RTN1: variants seen among roughly 807,000 people sequenced by gnomAD.
RTN1 encodes reticulon 1.
In RTN1, 25 loss-of-function variants were observed where a neutral mutation model predicts 65.5. The observed-to-expected ratio is 0.38, with a 90% CI of 0.28 to 0.53. The LOEUF (loss-of-function observed/expected upper bound fraction) is 0.53. Ranked by LOEUF, RTN1 falls within the 20% of genes least tolerant of loss-of-function variation. RTN1 has a pLI of 0.79. For synonymous variants in RTN1, 471 were observed against 447.6 expected (o/e 1.05, Z -0.66); for missense variants, 983 against 1,025.4 (o/e 0.96, Z 0.57).
chr14:59,772,270 A>G (rs1210642972), intron 1 of RTN1, among the ~76,000 whole-genome samples: 8 of 152,164 alleles, frequency 5.3e-5, no homozygotes, highest in Admixed American at 5.2e-4. Flanking sequence ...AAGATCCTGA[A>G]ATGATTTTAA....
chr14:59,621,380 T>C (rs1469146382), intron 3 of RTN1, among the ~76,000 whole-genome samples: 1 of 152,160 alleles, frequency 6.6e-6, no homozygotes. Flanking sequence ...GCTTTGCCAG[T>C]TGTAAAAATT....
rs74058794 is a variant in RTN1, at chr14:59,766,711, G to A, written c.242-20230C>T. 0.019 allele frequency among the ~76,000 whole-genome samples: 2,934 copies of A among 152,198 alleles called. 103 individuals are homozygous for A. Among genetic ancestry groups the A allele is most frequent in the African/African-American group, 0.066 (2,748 of 41,502 alleles). On this transcript the variant is annotated intron_variant, in intron 1 of 8. Coordinates refer to ENST00000267484, the MANE Select transcript of RTN1 (RefSeq NM_021136.3). The surrounding 1 kb of genome is among the most constrained non-coding windows in gnomAD (Gnocchi z 4.4). ...TCTTTTCTTCTGGACTAGAAGAAACGGAAGGAAAGAGTGTTGAATACCTGC... is the reference window on the plus strand; with the variant it reads ...TCTTTTCTTCTGGACTAGAAGAAACAGAAGGAAAGAGTGTTGAATACCTGC...
At chr14:59,763,539 T>C (rs190705544) in intron 1 of RTN1, among the ~76,000 whole-genome samples, 2 of 150,222 alleles carry the variant, frequency 1.3e-5, no homozygotes, top group Admixed American at 6.6e-5. Flanking sequence ...TTCTTTTTTT[T>C]TTTTTTTTTT....
chr14:59,780,491 A>G (rs1031309221), intron 1 of RTN1, among the ~76,000 whole-genome samples: 1 of 152,230 alleles, frequency 6.6e-6, no homozygotes, highest in Non-Finnish European at 1.5e-5. Context: ...AATGGTGCCA[A>G]CCATTCCGGA....
chr14:59,759,094 C>T (rs1157093727), intron 1 of RTN1, among the ~76,000 whole-genome samples: 1 of 152,070 alleles, frequency 6.6e-6, no homozygotes, highest in Non-Finnish European at 1.5e-5. Flanking sequence ...ATCATATATC[C>T]TGATTCATCT....
At chr14:59,713,189 C>T (rs529619439) in intron 3 of RTN1, among the ~76,000 whole-genome samples, 13 of 151,988 alleles carry the variant, frequency 8.6e-5, no homozygotes, top group African/African-American at 2.4e-4. Flanking sequence ...AATTGGCGCA[C>T]GATTCTTTAA....
At chr14:59,802,925 A>G (rs529908403) in intron 1 of RTN1, among the ~76,000 whole-genome samples, 21 of 152,254 alleles carry the variant, frequency 1.4e-4, no homozygotes, top group Middle Eastern at 3.4e-3. Flanking sequence ...TACCTCCTAG[A>G]AGAGATGACT....
chr14:59,749,110 A>ATG, intron 1 of RTN1, among the ~76,000 whole-genome samples: 1 of 54,516 alleles, frequency 1.8e-5, no homozygotes, highest in Non-Finnish European at 2.9e-5. Context: ...ATCTATATAT[A>ATG]TATATATATA....
intron 1 of RTN1, among the ~76,000 whole-genome samples, chr14:59,830,871 T>C (rs890268486): frequency 6.6e-6 from 1 of 152,314 alleles, no homozygotes; most frequent in Non-Finnish European, 1.5e-5. Context: ...ATCTATATTA[T>C]CATTTTTGTT....
chr14:59,837,530 T>G (rs1018522733), intron 1 of RTN1, among the ~76,000 whole-genome samples: 2 of 151,946 alleles, frequency 1.3e-5, no homozygotes, highest in African/African-American at 4.8e-5. Context: ...TATACATAAA[T>G]GTATATAACA....
intron 1 of RTN1, among the ~76,000 whole-genome samples, chr14:59,864,016 A>G (rs1235079893): frequency 1.3e-5 from 2 of 152,148 alleles, no homozygotes; most frequent in Non-Finnish European, 2.9e-5. Flanking sequence ...CTCTTGCTCC[A>G]CACCAACCAC....
chr14:59,730,446 T>C (rs1030739410), intron 2 of RTN1, among the ~76,000 whole-genome samples: 2 of 152,152 alleles, frequency 1.3e-5, no homozygotes, highest in Admixed American at 6.5e-5. Flanking sequence ...GAAGTAAATC[T>C]TCATGACCTT....
intron 3 of RTN1, among the ~76,000 whole-genome samples, chr14:59,680,621 T>G (rs1883726803): frequency 6.6e-6 from 1 of 152,214 alleles, no homozygotes; most frequent in Non-Finnish European, 1.5e-5. Flanking sequence ...TGTATCATCT[T>G]TCTAAAACAC....
At chr14:59,735,831 T>C (rs953872947) in intron 2 of RTN1, among the ~76,000 whole-genome samples, 1 of 151,690 alleles carries the variant, frequency 6.6e-6, no homozygotes, top group Non-Finnish European at 1.5e-5. Context: ...CATGAAATAA[T>C]AACAAACAGT....
At chr14:59,605,587 G>A (rs190881786) in intron 4 of RTN1, 81 bp from the exon 5 acceptor site, 120 of 1,456,496 alleles carry the variant, frequency 8.2e-5, no homozygotes, top group Middle Eastern at 2.4e-4. Flanking sequence ...ACAGCTAAGC[G>A]TTCCTACTCT....
At chr14:59,717,348 C>A (rs915426148) in intron 3 of RTN1, among the ~76,000 whole-genome samples, 1 of 152,142 alleles carries the variant, frequency 6.6e-6, no homozygotes, top group Non-Finnish European at 1.5e-5. Context: ...GAATATGCAA[C>A]TTTGAACTGG....
At chr14:59,832,316 T>C (rs532551552) in intron 1 of RTN1, among the ~76,000 whole-genome samples, 17 of 152,324 alleles carry the variant, frequency 1.1e-4, no homozygotes, top group African/African-American at 4.1e-4. Context: ...TACATCTTTT[T>C]TTTTTCGTTC....
rs1885435773 is a variant in RTN1, at chr14:59,750,192, TTA to T, written c.242-3713_242-3712del. ...ATATCTATAATATATAATACATATATTATATCTATAATATATAATATATATAT... is the reference window on the plus strand; with the variant it reads ...ATATCTATAATATATAATACATATATTATCTATAATATATAATATATATAT... On this transcript the variant is annotated intron_variant, in intron 1 of 8. Transcript: ENST00000267484. Among the ~76,000 whole-genome samples the T allele has an allele frequency of 4.0e-5, 3 of 75,206 alleles. No homozygotes were observed. In the East Asian group the frequency reaches 1.2e-3, roughly 30 times the overall value. 49.3% of individuals were successfully genotyped at this position (75,206 alleles called of 152,430 possible).
At chr14:59,625,418 T>A (rs1471856581) in intron 3 of RTN1, among the ~76,000 whole-genome samples, 1 of 152,230 alleles carries the variant, frequency 6.6e-6, no homozygotes, top group East Asian at 1.9e-4. Context: ...AACCTTTTGA[T>A]GTTTATCTAG....
Sources: allele counts gnomAD v4.1 joint callset (sites outside exome capture counted in the v4.1 genomes callset), GRCh38; gene constraint gnomAD v4.1.1; non-coding constraint Gnocchi (gnomAD v3.1); transcripts MANE v1.5; gene names NCBI Gene and HGNC (gene_info 2026-07-23, HGNC 2026-07-21).